Variants in MFAP3L observed in about 807,000 individuals in gnomAD.
MFAP3L encodes microfibrillar-associated protein 3-like.
MFAP3L carries 5 observed loss-of-function variants against 20.0 expected under a neutral mutation model. That is an observed-to-expected ratio of 0.25 (90% confidence interval 0.13 to 0.53). The LOEUF (loss-of-function observed/expected upper bound fraction) is 0.53. Among genes scored for constraint, MFAP3L ranks in the 20% least tolerant of loss-of-function variants. MFAP3L has a pLI of 0.96. For missense variants in MFAP3L, 409 were observed against 527.5 expected (o/e 0.78, Z 2.20); for synonymous variants, 219 against 213.0 (o/e 1.03, Z -0.25).
At chr4:170,022,334 T>G (rs1740087226) in intron 1 of MFAP3L, among the ~76,000 whole-genome samples, 1 of 152,200 alleles carries the variant, frequency 6.6e-6, no homozygotes, top group Non-Finnish European at 1.5e-5. Flanking sequence ...TTATCCATTG[T>G]GTTTTTAGGA....
chr4:170,026,955 C>G (rs535618662), upstream of MFAP3L: 2 of 152,272 alleles, frequency 1.3e-5, no homozygotes, highest in East Asian at 3.9e-4. Flanking sequence ...AAGTCTTAAA[C>G]GTCTCTTAAA....
Position 169,991,967 on chromosome 4 carries a change from G to C in MFAP3L, c.641C>G (p.Ala214Gly). Residue 214 changes from alanine to glycine, a missense_variant, in exon 3 of 3, where the codon GCC (alanine) becomes GGC (glycine). Physicochemically the swap from Ala to Gly is moderately conservative, Grantham distance 60. Coordinates refer to ENST00000361618, the MANE Select transcript of MFAP3L (RefSeq NM_021647.8). This position sits in a 1 kb window ranked among gnomAD's most constrained non-coding sequence, Gnocchi z 4.9. ...IAKRIPIITS[A>G]KTLELAKVTQ... ...GACTTTGGCAAGCTCTAGAGTTTTG[G>C]CGGAGGTGATGATGGGGATGCGCTT... The C allele has an allele frequency of 6.2e-7, 1 of 1,614,150 alleles. No homozygotes were observed. Among genetic ancestry groups the C allele is most frequent in the Non-Finnish European group, 8.5e-7 (1 of 1,180,036 alleles).
chr4:170,010,526 C>A (rs373117990), intron 1 of MFAP3L, among the ~76,000 whole-genome samples: 16 of 152,288 alleles, frequency 1.1e-4, no homozygotes, highest in African/African-American at 3.4e-4. Flanking sequence ...CCCCCTCCTC[C>A]TCAGTCTACT....
chr4:169,998,824 T>C (rs1191823206), intron 2 of MFAP3L, among the ~76,000 whole-genome samples: 1 of 152,226 alleles, frequency 6.6e-6, no homozygotes, highest in East Asian at 1.9e-4. Context: ...TATGTTAGTT[T>C]CTTGAAACTA....
chr4:169,999,979 C>T (rs1738499193), intron 2 of MFAP3L, among the ~76,000 whole-genome samples: 1 of 152,164 alleles, frequency 6.6e-6, no homozygotes, highest in Admixed American at 6.5e-5. Context: ...AAGCCAGGAG[C>T]ACAACCAGCC....
intron 2 of MFAP3L, among the ~76,000 whole-genome samples, chr4:169,998,212 A>C (rs1424942117): frequency 6.6e-6 from 1 of 152,198 alleles, no homozygotes; most frequent in East Asian, 1.9e-4. Context: ...ATGTCTCCTC[A>C]ATAGGACAGT....
At chr4:170,015,215 C>T (rs1424736808) in intron 1 of MFAP3L, among the ~76,000 whole-genome samples, 1 of 152,162 alleles carries the variant, frequency 6.6e-6, no homozygotes, top group African/African-American at 2.4e-5. Flanking sequence ...TCCTTTCCTC[C>T]ATTTTTTATT....
intron 2 of MFAP3L, chr4:169,994,705 C>T: frequency 1.1e-5 from 3 of 276,272 alleles, no homozygotes; most frequent in Non-Finnish European, 1.6e-5. Flanking sequence ...CAAATGCAGT[C>T]TAATTAGGTG....
chr4:170,010,808 C>A (rs59303844), intron 1 of MFAP3L, among the ~76,000 whole-genome samples: 3 of 150,318 alleles, frequency 2.0e-5, no homozygotes, highest in African/African-American at 7.5e-5. Flanking sequence ...CACTGCATTG[C>A]GGGGGGGTGG....
At position 169,991,720 on chromosome 4, in the gene MFAP3L, G is replaced by C; in HGVS notation, c.888C>G (p.Ser296Arg). 1.2e-6 allele frequency: 2 copies of C among 1,614,032 alleles called. No individual in the cohort carries two copies. The highest frequency in any genetic ancestry group is 1.7e-6 in the Non-Finnish European group (2 of 1,180,008). Residue 296 changes from serine to arginine, a missense_variant, in exon 3 of 3, where the codon AGC becomes AGG. Ser to Arg is a moderately radical substitution (Grantham distance 110). Transcript: ENST00000361618. This position sits in a 1 kb window ranked among gnomAD's most constrained non-coding sequence, Gnocchi z 4.9. ...CGTCCGAGTCAGCGGCAGGGGAGTC[G>C]CTCCGCTTCAGAGAGTTGGGGATTG... Reference protein sequence around the residue: ...VYTIPNSLKRSDSPAADSDAS... With the variant: ...VYTIPNSLKRRDSPAADSDAS...
chr4:170,003,712 G>C, intron 2 of MFAP3L: 1 of 985,376 alleles, frequency 1.0e-6, no homozygotes. Flanking sequence ...CCAGGTCTTG[G>C]GTCTTTCTTC....
At chr4:170,021,502 G>A (rs1193655386) in intron 1 of MFAP3L, among the ~76,000 whole-genome samples, 1 of 152,170 alleles carries the variant, frequency 6.6e-6, no homozygotes, top group African/African-American at 2.4e-5. Context: ...ATAAAGTTTT[G>A]TTTTATTAGG....
chr4:170,026,488 G>T (rs971074270), upstream of MFAP3L: 1 of 167,184 alleles, frequency 6.0e-6, no homozygotes, highest in Non-Finnish European at 1.2e-5. Context: ...GGAGGCGCGG[G>T]TGTAGCCGCC....
In MFAP3L at chr4:169,992,439, C is replaced by T; in HGVS notation, c.299-130G>A. 2 of 781,366 alleles carry T rather than the reference C, an allele frequency of 2.6e-6. No homozygotes were observed. Among genetic ancestry groups the T allele is most frequent in the South Asian group, 1.8e-5 (1 of 55,762 alleles). 48.4% of individuals were successfully genotyped at this position (781,366 alleles called of 1,614,324 possible). On this transcript the variant is annotated intron_variant, in intron 2 of 2. Transcript: ENST00000361618. This position sits in a 1 kb window ranked among gnomAD's most constrained non-coding sequence, Gnocchi z 4.3. Reference sequence around the variant, plus strand: ...ATGAAGTCTATGAACGTCGACTTCACATGCTTACTATGCGGCAGGCAGTGA... The same window carrying T: ...ATGAAGTCTATGAACGTCGACTTCATATGCTTACTATGCGGCAGGCAGTGA...
At chr4:170,026,567 G>GC (rs1730448201), upstream of MFAP3L, 2 of 151,192 alleles carry the variant, frequency 1.3e-5, no homozygotes, top group Non-Finnish European at 3.0e-5. Context: ...TCGGTGCTGC[G>GC]GAGCGGCCCC....
intron 2 of MFAP3L, among the ~76,000 whole-genome samples, chr4:169,998,208 C>T (rs771714328): frequency 3.9e-5 from 6 of 152,190 alleles, no homozygotes; most frequent in Admixed American, 6.5e-5. Context: ...CCCAATGTCT[C>T]CTCAATAGGA....
chr4:169,995,648 G>C (rs888072307), intron 2 of MFAP3L, among the ~76,000 whole-genome samples: 3 of 152,162 alleles, frequency 2.0e-5, no homozygotes, highest in Non-Finnish European at 4.4e-5. Flanking sequence ...CATTCTAGAA[G>C]GGTCCCGACT....
chr4:170,008,868 T>G (rs542095173), intron 1 of MFAP3L, among the ~76,000 whole-genome samples: 25 of 152,338 alleles, frequency 1.6e-4, no homozygotes, highest in Non-Finnish European at 3.1e-4. Context: ...CTTGCACATA[T>G]AGTTCAGTAG....
At position 169,988,838 on chromosome 4, in the gene MFAP3L, T is replaced by TC. The variant is rs1369423169; in HGVS notation, c.*2539dup. On this transcript the variant is annotated 3_prime_UTR_variant, in exon 3 of 3. Transcript: ENST00000361618. ...TCTACATAAGCTCTCCCCACTGCAGTCTAAAGCAGCAAAACCAATCAGGAA... is the reference window on the plus strand; with the variant it reads ...TCTACATAAGCTCTCCCCACTGCAGTCCTAAAGCAGCAAAACCAATCAGGAA... The TC allele has an allele frequency of 2.6e-5, 4 of 152,150 alleles. No individual in the cohort carries two copies. Among genetic ancestry groups the TC allele is most frequent in the African/African-American group, 9.7e-5 (4 of 41,426 alleles). The allele number at this position is 152,150 out of a possible 1,614,324, so 9.4% of individuals were successfully genotyped here.
Sources: allele counts gnomAD v4.1 joint callset (sites outside exome capture counted in the v4.1 genomes callset), GRCh38; gene constraint gnomAD v4.1.1; non-coding constraint Gnocchi (gnomAD v3.1); transcripts MANE v1.5; gene names NCBI Gene and HGNC (gene_info 2026-07-23, HGNC 2026-07-21).